The following STOX2 variants were observed in gnomAD, a reference collection of about 807,000 sequenced individuals.
STOX2 encodes the protein storkhead-box protein 2.
A neutral mutation model predicts 60.9 loss-of-function variants in STOX2; 28 were observed. The observed-to-expected ratio is 0.46, with a 90% CI of 0.34 to 0.63. The LOEUF (loss-of-function observed/expected upper bound fraction) is 0.63. STOX2 is among the 30% of genes least tolerant of loss of function. The pLI is 0.01. For synonymous variants in STOX2, 472 were observed against 463.9 expected (o/e 1.02, Z -0.22); for missense variants, 1,024 against 1,187.7 (o/e 0.86, Z 2.03).
chr4:183,947,111 G>A (rs1274020922), intron 1 of STOX2, among the ~76,000 whole-genome samples: 3 of 151,924 alleles, frequency 2.0e-5, no homozygotes, highest in African/African-American at 7.3e-5. Flanking sequence ...CCTGGAACCA[G>A]CTCCCTAAGA....
intron 1 of STOX2, among the ~76,000 whole-genome samples, chr4:183,929,749 G>A (rs566376280): frequency 6.6e-6 from 1 of 152,206 alleles, no homozygotes; most frequent in South Asian, 2.1e-4. Context: ...ACAAGCTCCC[G>A]GTTAAACGTA....
intron 1 of STOX2, among the ~76,000 whole-genome samples, chr4:183,920,294 G>A (rs1175834726): frequency 1.3e-5 from 2 of 152,010 alleles, no homozygotes; most frequent in East Asian, 1.9e-4. Context: ...ATTTTTAGTA[G>A]AGATGATTTC....
rs997872956 is a variant in STOX2 at position 184,006,479 on chromosome 4, G to A, written c.320-2679G>A. 3.9e-5 allele frequency among the ~76,000 whole-genome samples: 6 copies of A among 151,930 alleles called. No individual in the cohort carries two copies. The South Asian group carries it at 6.2e-4, about 16-fold the overall frequency. On this transcript the variant is annotated intron_variant, in intron 2 of 3. Transcript: ENST00000308497. ...GTGGAAGGCACTTTGGGAAGCAGGG[G>A]CGGGAAGATCACTTGAGCCCAGGAG...
intron 1 of STOX2, among the ~76,000 whole-genome samples, chr4:183,944,349 G>T (rs1211859521): frequency 6.6e-6 from 1 of 152,190 alleles, no homozygotes; most frequent in Non-Finnish European, 1.5e-5. Context: ...AGACTCAGGT[G>T]CATAATACAC....
intron 1 of STOX2, among the ~76,000 whole-genome samples, chr4:183,938,085 G>T (rs535475211): frequency 6.6e-6 from 1 of 152,120 alleles, no homozygotes; most frequent in Non-Finnish European, 1.5e-5. Flanking sequence ...GAAGGTCGAG[G>T]CTGCAGTGAG....
At chr4:183,967,860 T>A (rs771882540) in intron 1 of STOX2, among the ~76,000 whole-genome samples, 22 of 152,162 alleles carry the variant, frequency 1.4e-4, no homozygotes, top group African/African-American at 2.7e-4. Flanking sequence ...GGAAATGAAT[T>A]ATGAAAGTCT....
Position 183,821,828 on chromosome 4 carries a change from G to A in STOX2, c.364+23773G>A, listed in dbSNP as rs1739310402. Among the ~76,000 whole-genome samples the A allele has an allele frequency of 6.6e-6, 1 of 152,232 alleles. No homozygotes were observed. Among genetic ancestry groups the A allele is most frequent in the African/African-American group, 2.4e-5 (1 of 41,464 alleles). On this transcript the variant is annotated intron_variant, in intron 1 of 2. Transcript: ENST00000513034. The surrounding 1 kb of genome is among the most constrained non-coding windows in gnomAD (Gnocchi z 4.2). ...CCTGCCGGGCTGCATTCTGACCCCT[G>A]CCCCAGGTTTGTGAGTCTGTAGGGT...
In STOX2 at chr4:183,827,890, A is replaced by G. The variant is rs528053069; in HGVS notation, c.364+29835A>G. 1.7e-3 allele frequency among the ~76,000 whole-genome samples: 250 copies of G among 151,200 alleles called. 2 individuals are homozygous for G. Among genetic ancestry groups the G allele is most frequent in the African/African-American group, 5.9e-3 (240 of 40,782 alleles). Reference sequence around the variant, plus strand: ...AAATCCTGCCTCAAAAAAAAAAAAAAAAAGAAAGAAAAAAAGACGGCCTTT... The same window carrying G: ...AAATCCTGCCTCAAAAAAAAAAAAAGAAAGAAAGAAAAAAAGACGGCCTTT... On this transcript the variant is annotated intron_variant, in intron 1 of 2. Transcript: ENST00000513034.
intron 1 of STOX2, among the ~76,000 whole-genome samples, chr4:183,820,668 A>C (rs1391035011): frequency 6.6e-6 from 1 of 152,214 alleles, no homozygotes; most frequent in East Asian, 1.9e-4. Context: ...GTATCTTGCA[A>C]AGGACTGAAA....
Position 183,908,592 on chromosome 4 carries a change from G to GTTTTTT in STOX2, c.166+1651_166+1656dup, listed in dbSNP as rs10671305. Among the ~76,000 whole-genome samples, 43 of 126,674 alleles carry GTTTTTT rather than the reference G, an allele frequency of 3.4e-4. 1 individual carries two copies. In the South Asian group the frequency reaches 3.8e-3, roughly 11 times the overall value. The allele number at this position is 126,674 out of a possible 152,430, so 83.1% of individuals were successfully genotyped here. A position where few individuals can be genotyped will look rare whatever the true frequency, so the allele number is the denominator to read the frequency against. On this transcript the variant is annotated intron_variant, in intron 1 of 3. Coordinates refer to ENST00000308497, the MANE Select transcript of STOX2 (RefSeq NM_020225.3). ...ATTCAGGCACATTTCCAGGCAGCCAGTTTTTTTTTTTTTTTTTTTTAATCT... is the reference window on the plus strand; with the variant it reads ...ATTCAGGCACATTTCCAGGCAGCCAGTTTTTTTTTTTTTTTTTTTTTTTTTTAATCT...
At position 183,928,218 on chromosome 4, in the gene STOX2, C is replaced by CG. The variant is rs3042579; in HGVS notation, c.166+21271dup. On this transcript the variant is annotated intron_variant, in intron 1 of 3. Transcript: ENST00000308497. The stretch of plus-strand genomic sequence containing the variant: ...CACGTGGGTGAGGATGGGGAGCCCT[C>CG]GGGGGGGGGCATTTTGTATCTGGTG... 5.6e-3 allele frequency among the ~76,000 whole-genome samples: 854 copies of CG among 151,810 alleles called. 11 individuals carry two copies. The highest frequency in any genetic ancestry group is 0.019 in the African/African-American group (779 of 41,334).
rs766331753 is a variant in STOX2, at chr4:184,021,154, C to T, written c.*3870C>T. On this transcript the variant is annotated 3_prime_UTR_variant, in exon 4 of 4. Coordinates refer to ENST00000308497, the MANE Select transcript of STOX2 (RefSeq NM_020225.3). ...GCTTCATTTAAAAACCAACAACAACCGATAATGACTTTGCACGATTCACTT... is the reference window on the plus strand; with the variant it reads ...GCTTCATTTAAAAACCAACAACAACTGATAATGACTTTGCACGATTCACTT... 4.6e-5 allele frequency: 7 copies of T among 152,190 alleles called. No individual in the cohort carries two copies. Among genetic ancestry groups the T allele is most frequent in the African/African-American group, 7.2e-5 (3 of 41,432 alleles). The allele number at this position is 152,190 out of a possible 1,614,324, so 9.4% of individuals were successfully genotyped here. A position where few individuals can be genotyped will look rare whatever the true frequency, so the allele number is the denominator to read the frequency against.
At chr4:183,858,495 G>A (rs140940709) in intron 1 of STOX2, among the ~76,000 whole-genome samples, 8 of 152,244 alleles carry the variant, frequency 5.3e-5, no homozygotes, top group East Asian at 1.9e-4. Flanking sequence ...GCACTGTTTC[G>A]TATTTATAGA....
intron 1 of STOX2, among the ~76,000 whole-genome samples, chr4:183,898,440 T>C (rs1021199608): frequency 1.9e-4 from 29 of 152,166 alleles, no homozygotes; most frequent in African/African-American, 7.0e-4. Context: ...GCAGCTTGAG[T>C]TTGATTGTCC....
chr4:183,922,665 T>A (rs1742136808), intron 1 of STOX2, among the ~76,000 whole-genome samples: 1 of 152,118 alleles, frequency 6.6e-6, no homozygotes, highest in African/African-American at 2.4e-5. Flanking sequence ...ATCTTAACTT[T>A]TTAAGGGTAC....
At chr4:183,899,103 T>C (rs917646037) in intron 1 of STOX2, among the ~76,000 whole-genome samples, 5 of 152,196 alleles carry the variant, frequency 3.3e-5, no homozygotes, top group Admixed American at 2.0e-4. Context: ...TTTGATGTTA[T>C]TATTGTAATT....
rs369968091 is a variant in STOX2 at position 183,825,758 on chromosome 4, G to A, written c.364+27703G>A. Among the ~76,000 whole-genome samples the A allele has an allele frequency of 3.9e-4, 60 of 152,232 alleles. No individual in the cohort carries two copies. The highest frequency in any genetic ancestry group is 1.4e-3 in the African/African-American group (58 of 41,544). ...GAGGTGGCTGGGGCTGGACTTTGCC[G>A]GGGAGGGGTTCAGATTTAATGCTTC... is the stretch of plus-strand genomic sequence containing the variant. On this transcript the variant is annotated intron_variant, in intron 1 of 2. Coordinates refer to the STOX2 transcript ENST00000513034. This position sits in a 1 kb window ranked among gnomAD's most constrained non-coding sequence, Gnocchi z 4.1.
intron 1 of STOX2, among the ~76,000 whole-genome samples, chr4:183,892,641 G>A (rs1449848028): frequency 1.3e-5 from 2 of 152,200 alleles, no homozygotes; most frequent in African/African-American, 4.8e-5. Flanking sequence ...GTTGAACTGC[G>A]TATCGTAGTT....
intron 3 of STOX2, among the ~76,000 whole-genome samples, chr4:184,013,798 T>A (rs1194036925): frequency 6.6e-6 from 1 of 152,052 alleles, no homozygotes; most frequent in Non-Finnish European, 1.5e-5. Flanking sequence ...TCGTTTTAAA[T>A]TTTTTTTAGA....
Sources: gnomAD v4.1 joint callset for allele counts (sites outside exome capture counted in the v4.1 genomes callset) on GRCh38, gnomAD v4.1.1 for gene constraint, Gnocchi (gnomAD v3.1) non-coding constraint, MANE v1.5 for transcripts, NCBI Gene and HGNC (gene_info 2026-07-23, HGNC 2026-07-21) for gene names.